The following TTC39B variants were observed in gnomAD, a reference collection of about 807,000 sequenced individuals.
TTC39B encodes the protein tetratricopeptide repeat protein 39B.
Under a neutral mutation model 96.6 loss-of-function variants are expected in TTC39B, and 92 were observed. That is an observed-to-expected ratio of 0.95 (90% confidence interval 0.80 to 1.13). The LOEUF is 1.13. TTC39B is among the 50% of genes most tolerant of loss of function. The pLI is 0.00. For missense variants in TTC39B, 955 were observed against 809.3 expected (o/e 1.18, Z -2.18); for synonymous variants, 367 against 299.4 (o/e 1.23, Z -2.33).
intron 2 of TTC39B, among the ~76,000 whole-genome samples, chr9:15,248,403 T>C (rs966631073): frequency 3.9e-5 from 6 of 152,092 alleles, no homozygotes; most frequent in African/African-American, 1.4e-4. Flanking sequence ...GGTATTTATA[T>C]GTCCTATATG....
intron 1 of TTC39B, among the ~76,000 whole-genome samples, chr9:15,270,034 T>G (rs562198898): frequency 1.3e-5 from 2 of 151,936 alleles, no homozygotes; most frequent in Non-Finnish European, 2.9e-5. Flanking sequence ...CCAGGCATGG[T>G]GGTGCATTTC....
chr9:15,167,864 AATC>A (rs1564300531), exon 20 of TTC39B: 1 of 152,222 alleles, frequency 6.6e-6, no homozygotes, highest in Non-Finnish European at 1.5e-5. Context: ...ATCAAATTAA[AATC>A]ATCATCTCAA....
chr9:15,293,281 T>C (rs1157459344), intron 1 of TTC39B, among the ~76,000 whole-genome samples: 1 of 152,164 alleles, frequency 6.6e-6, no homozygotes, highest in East Asian at 1.9e-4. Flanking sequence ...AAGTGCACTA[T>C]GATGCTGGCA....
chr9:15,298,244 C>T (rs923224277), intron 1 of TTC39B, among the ~76,000 whole-genome samples: 1 of 152,176 alleles, frequency 6.6e-6, no homozygotes, highest in Non-Finnish European at 1.5e-5. Context: ...ATACCATCAG[C>T]TTCCATGGTT....
At chr9:15,245,891 C>T (rs1223385904) in intron 2 of TTC39B, among the ~76,000 whole-genome samples, 1 of 152,136 alleles carries the variant, frequency 6.6e-6, no homozygotes, top group Non-Finnish European at 1.5e-5. Context: ...TCTGCAATTA[C>T]CACCTAAATT....
At chr9:15,294,023 T>C (rs1272908775) in intron 1 of TTC39B, among the ~76,000 whole-genome samples, 1 of 152,228 alleles carries the variant, frequency 6.6e-6, no homozygotes, top group Non-Finnish European at 1.5e-5. Flanking sequence ...GATCGACTGA[T>C]TCACGAATCT....
chr9:15,238,508 C>T (rs188033689), intron 2 of TTC39B, among the ~76,000 whole-genome samples: 13 of 152,210 alleles, frequency 8.5e-5, no homozygotes, highest in African/African-American at 3.1e-4. Context: ...AAGCTGAGAA[C>T]CAAATCAAGA....
At chr9:15,186,735 C>T (rs1186468904) in intron 15 of TTC39B, 1 of 436,174 alleles carries the variant, frequency 2.3e-6, no homozygotes, top group African/African-American at 2.0e-5. Flanking sequence ...CTGTCTGTCA[C>T]CCAGGCTGCA....
chr9:15,248,196 C>G (rs10961934), intron 2 of TTC39B, among the ~76,000 whole-genome samples: 9,803 of 152,208 alleles, frequency 0.064, 439 homozygotes, highest in Non-Finnish European at 0.096. Context: ...TCTAACATAG[C>G]CAATTTCCCT....
chr9:15,208,540 C>T (rs1049454590), intron 6 of TTC39B, among the ~76,000 whole-genome samples: 15 of 152,230 alleles, frequency 9.9e-5, no homozygotes, highest in African/African-American at 3.4e-4. Context: ...CTCATTAACC[C>T]ATTTTAGTGA....
At chr9:15,244,942 G>GA (rs151102117) in intron 2 of TTC39B, among the ~76,000 whole-genome samples, 17,042 of 151,890 alleles carry the variant, frequency 0.11, 2,474 homozygotes, top group African/African-American at 0.34. Context: ...CATGGAGGAA[G>GA]AAAAAAAATA....
At chr9:15,205,622 G>A (rs1469212740) in intron 6 of TTC39B, among the ~76,000 whole-genome samples, 3 of 152,228 alleles carry the variant, frequency 2.0e-5, no homozygotes, top group Non-Finnish European at 4.4e-5. Flanking sequence ...CTCAAAGTGT[G>A]CCTAGTGATT....
exon 20 of TTC39B, chr9:15,167,723 G>A (rs1260441759): frequency 6.6e-6 from 1 of 152,360 alleles, no homozygotes; most frequent in African/African-American, 2.4e-5. Flanking sequence ...TTGCACTCCA[G>A]CCTGGGCAAC....
rs534151549 is a variant in TTC39B, at chr9:15,268,795, C to A, written c.241-847G>T. ...CCCTACTCCTGTGCTTGACACCCTC[C>A]ATTCAATTCTTCACATGACAACAAT... On this transcript the variant is annotated intron_variant, in intron 1 of 19. Transcript: ENST00000512701. Among the ~76,000 whole-genome samples the A allele has an allele frequency of 6.4e-4, 98 of 152,344 alleles. 1 individual carries two copies. Among genetic ancestry groups the A allele is most frequent in the African/African-American group, 2.1e-3 (87 of 41,576 alleles).
At chr9:15,278,248 T>C (rs1287487336) in intron 1 of TTC39B, among the ~76,000 whole-genome samples, 1 of 152,188 alleles carries the variant, frequency 6.6e-6, no homozygotes, top group African/African-American at 2.4e-5. Flanking sequence ...ACAAATACTT[T>C]AAGTTGCCAT....
chr9:15,170,930 G>C (rs1588827123), exon 20 of TTC39B: 1 of 152,316 alleles, frequency 6.6e-6, no homozygotes, highest in East Asian at 1.9e-4. Context: ...AAAAGACCTT[G>C]AAAGTCATCT....
intron 6 of TTC39B, among the ~76,000 whole-genome samples, chr9:15,204,147 A>G (rs1352458077): frequency 6.6e-6 from 1 of 152,226 alleles, no homozygotes; most frequent in African/African-American, 2.4e-5. Context: ...TTCGTATCAG[A>G]GACGCAAACT....
In TTC39B at chr9:15,214,279, T is replaced by C. The variant is rs747267697; in HGVS notation, c.372-30A>G. 9.0e-6 allele frequency: 14 copies of C among 1,550,866 alleles called. No homozygotes were observed. The African/African-American group carries it at 9.6e-5, about 11-fold the overall frequency. ...AGATCAAGAAAAAAGCACAGAGAAT[T>C]TCTATAGCTTTACGATCAGCAAGTT... On this transcript the variant is annotated intron_variant, in intron 3 of 19. Transcript: ENST00000512701.
chr9:15,247,963 G>A (rs890654948), intron 2 of TTC39B, among the ~76,000 whole-genome samples: 1 of 152,130 alleles, frequency 6.6e-6, no homozygotes, highest in Non-Finnish European at 1.5e-5. Flanking sequence ...GTTACAATCA[G>A]GATTCTGAGT....
Sources: gnomAD v4.1 joint callset for allele counts (sites outside exome capture counted in the v4.1 genomes callset) on GRCh38, gnomAD v4.1.1 for gene constraint, MANE v1.5 for transcripts, NCBI Gene and HGNC (gene_info 2026-07-23, HGNC 2026-07-21) for gene names.